NR6A1: variants seen among roughly 807,000 people sequenced by gnomAD.
NR6A1 encodes the protein retinoic acid receptor-related testis-associated receptor.
NR6A1 carries 7 observed loss-of-function variants against 59.1 expected under a neutral mutation model. The ratio of observed to expected loss-of-function variants is 0.12; its 90% confidence interval spans 0.07 to 0.22. The LOEUF (loss-of-function observed/expected upper bound fraction) is 0.22, where lower values mean the gene tolerates loss of function less well. Among genes scored for constraint, NR6A1 ranks in the 10% least tolerant of loss-of-function variants. NR6A1 has a pLI of 1.00. For synonymous variants in NR6A1, 243 were observed against 236.1 expected (o/e 1.03, Z -0.27); for missense variants, 468 against 611.6 (o/e 0.77, Z 2.48).
chr9:124,586,338 G>C (rs2131474181), intron 2 of NR6A1, among the ~76,000 whole-genome samples: 1 of 152,304 alleles, frequency 6.6e-6, no homozygotes, highest in Middle Eastern at 3.4e-3. Flanking sequence ...GGATGACTTT[G>C]AGGGGCTTCA....
chr9:124,639,295 A>G (rs1209914954), intron 2 of NR6A1, among the ~76,000 whole-genome samples: 1 of 152,200 alleles, frequency 6.6e-6, no homozygotes, highest in Non-Finnish European at 1.5e-5. Flanking sequence ...AAAATGGAGA[A>G]AGAACATGCC....
At chr9:124,554,002 C>T (rs577455039) in intron 3 of NR6A1, among the ~76,000 whole-genome samples, 1 of 152,244 alleles carries the variant, frequency 6.6e-6, no homozygotes, top group South Asian at 2.1e-4. Flanking sequence ...TACCTCATGC[C>T]TTTTCATCCA....
chr9:124,679,132 T>C (rs1454096336), intron 2 of NR6A1, among the ~76,000 whole-genome samples: 1 of 152,224 alleles, frequency 6.6e-6, no homozygotes, highest in Non-Finnish European at 1.5e-5. Flanking sequence ...CCATTCAAGA[T>C]ACTAGCTAGG....
At chr9:124,670,307 G>C (rs948113622) in intron 2 of NR6A1, among the ~76,000 whole-genome samples, 1 of 152,268 alleles carries the variant, frequency 6.6e-6, no homozygotes, top group Non-Finnish European at 1.5e-5. Context: ...CAGGAGGATG[G>C]CTCAAGCCCA....
At chr9:124,561,396 C>A (rs913177645) in intron 2 of NR6A1, among the ~76,000 whole-genome samples, 4 of 152,136 alleles carry the variant, frequency 2.6e-5, no homozygotes, top group African/African-American at 9.7e-5. Context: ...TGTGATCATG[C>A]CACTGCACTC....
At chr9:124,716,958 T>G (rs1456824095) in intron 2 of NR6A1, among the ~76,000 whole-genome samples, 1 of 152,200 alleles carries the variant, frequency 6.6e-6, no homozygotes, top group African/African-American at 2.4e-5. Flanking sequence ...CCAAAAGATT[T>G]GAACACTTTT....
intron 2 of NR6A1, among the ~76,000 whole-genome samples, chr9:124,628,106 C>T (rs914797208): frequency 2.0e-5 from 3 of 152,128 alleles, no homozygotes; most frequent in African/African-American, 7.2e-5. Context: ...CAGCTCACTG[C>T]AACCTCCGCC....
rs1427974822 is a variant in NR6A1, at chr9:124,520,887, T to A, written c.*1818A>T. The A allele has an allele frequency of 6.6e-6, 1 of 152,218 alleles. No homozygotes were observed. Among genetic ancestry groups the A allele is most frequent in the Non-Finnish European group, 1.5e-5 (1 of 68,038 alleles). The allele number at this position is 152,218 out of a possible 1,614,324, so 9.4% of individuals were successfully genotyped here. On this transcript the variant is annotated 3_prime_UTR_variant, in exon 10 of 10. Coordinates refer to ENST00000487099, the MANE Select transcript of NR6A1 (RefSeq NM_033334.4). Reference sequence around the variant, plus strand: ...TCTCAGAGCAACTGGGGAAACGGCATTGAGGAGTAATGTTCCGAGTTTTAG... The same window carrying A: ...TCTCAGAGCAACTGGGGAAACGGCAATGAGGAGTAATGTTCCGAGTTTTAG...
At chr9:124,601,092 A>G (rs1465916907) in intron 2 of NR6A1, among the ~76,000 whole-genome samples, 3 of 152,076 alleles carry the variant, frequency 2.0e-5, no homozygotes, top group South Asian at 4.1e-4. Context: ...CCTGGCCAAC[A>G]TGGTGAAACC....
intron 2 of NR6A1, among the ~76,000 whole-genome samples, chr9:124,644,159 C>A (rs550449727): frequency 6.6e-6 from 1 of 152,184 alleles, no homozygotes; most frequent in South Asian, 2.1e-4. Flanking sequence ...ACCTCGGCCT[C>A]CCAAAGTGCT....
intron 1 of NR6A1, among the ~76,000 whole-genome samples, chr9:124,752,994 G>A (rs1025429593): frequency 4.6e-5 from 7 of 152,246 alleles, no homozygotes; most frequent in African/African-American, 1.7e-4. Flanking sequence ...AGGCCTGTGG[G>A]ACTGGTTCAA....
intron 2 of NR6A1, among the ~76,000 whole-genome samples, chr9:124,562,428 T>C (rs1193108328): frequency 2.0e-5 from 3 of 147,226 alleles, no homozygotes; most frequent in African/African-American, 7.5e-5. Flanking sequence ...ATGTTTTTTG[T>C]TTTTTTTTTG....
intron 2 of NR6A1, among the ~76,000 whole-genome samples, chr9:124,575,299 C>T (rs931195775): frequency 3.3e-5 from 5 of 152,184 alleles, no homozygotes; most frequent in African/African-American, 7.2e-5. Context: ...TTTGGCCGGG[C>T]GCAGTGGCTC....
chr9:124,750,294 C>T (rs1181820063), intron 1 of NR6A1, among the ~76,000 whole-genome samples: 1 of 152,162 alleles, frequency 6.6e-6, no homozygotes, highest in Non-Finnish European at 1.5e-5. Flanking sequence ...TGGAGTTCTG[C>T]TTCCATGTCA....
chr9:124,688,603 T>G (rs1838418664), intron 2 of NR6A1, among the ~76,000 whole-genome samples: 1 of 152,212 alleles, frequency 6.6e-6, no homozygotes, highest in Non-Finnish European at 1.5e-5. Flanking sequence ...GCAAGAGTAT[T>G]CACTGCTACT....
At chr9:124,698,827 T>C (rs1359062683) in intron 2 of NR6A1, among the ~76,000 whole-genome samples, 1 of 152,176 alleles carries the variant, frequency 6.6e-6, no homozygotes, top group Non-Finnish European at 1.5e-5. Context: ...ATCCTGGCTA[T>C]ACTTGCCACA....
intron 1 of NR6A1, among the ~76,000 whole-genome samples, chr9:124,755,922 G>C (rs182313445): frequency 2.1e-4 from 32 of 152,146 alleles, no homozygotes; most frequent in Non-Finnish European, 3.2e-4. Flanking sequence ...ATGGGGAAAA[G>C]ATAGATCTTT....
chr9:124,673,630 C>T (rs76137035), intron 2 of NR6A1, among the ~76,000 whole-genome samples: 1,673 of 152,010 alleles, frequency 0.011, 30 homozygotes, highest in African/African-American at 0.038. Flanking sequence ...AAAAAGAAAT[C>T]TATAGAGTAA....
At chr9:124,604,747 G>A (rs758157562) in intron 2 of NR6A1, among the ~76,000 whole-genome samples, 5 of 152,148 alleles carry the variant, frequency 3.3e-5, no homozygotes, top group African/African-American at 7.2e-5. Flanking sequence ...CCGGGAGGCA[G>A]AGGTTGCAGT....
Sources: gnomAD v4.1 joint callset for allele counts (sites outside exome capture counted in the v4.1 genomes callset) on GRCh38, gnomAD v4.1.1 for gene constraint, MANE v1.5 for transcripts, NCBI Gene and HGNC (gene_info 2026-07-23, HGNC 2026-07-21) for gene names.